The following TMEFF1 variants were observed in gnomAD, a reference collection of about 807,000 sequenced individuals.
TMEFF1 encodes transmembrane protein with EGF like and two follistatin like domains 1, also known as tomoregulin-1.
Under a neutral mutation model 47.5 loss-of-function variants are expected in TMEFF1, and 20 were observed. That is an observed-to-expected ratio of 0.42 (90% CI 0.30 to 0.61). The LOEUF (loss-of-function observed/expected upper bound fraction) is 0.61, where lower values mean the gene tolerates loss of function less well. Among genes scored for constraint, TMEFF1 ranks in the 20% least tolerant of loss-of-function variants. The probability of loss-of-function intolerance (pLI) is 0.19; values close to 1 mark genes in which losing one functional copy is unlikely to be tolerated. For synonymous variants in TMEFF1, 162 were observed against 166.3 expected (o/e 0.97, Z 0.20); for missense variants, 411 against 471.1 (o/e 0.87, Z 1.18).
intron 2 of TMEFF1, among the ~76,000 whole-genome samples, chr9:100,506,442 T>C (rs1377209990): frequency 6.6e-6 from 1 of 152,046 alleles, no homozygotes; most frequent in Non-Finnish European, 1.5e-5. Flanking sequence ...TACAGTTAGC[T>C]TTGTGGAATA....
chr9:100,518,977 T>C (rs932969385), intron 5 of TMEFF1, among the ~76,000 whole-genome samples: 1 of 152,198 alleles, frequency 6.6e-6, no homozygotes, highest in African/African-American at 2.4e-5. Context: ...AACCTATTAT[T>C]TATTAAGATG....
chr9:100,501,744 A>G (rs1004380618), intron 2 of TMEFF1, among the ~76,000 whole-genome samples: 2 of 152,110 alleles, frequency 1.3e-5, no homozygotes, highest in Non-Finnish European at 2.9e-5. Context: ...TCCCGGGTTC[A>G]AATGATTCTC....
At chr9:100,561,299 CAGTG>C (rs1839008540) in intron 7 of TMEFF1, 94 bp from the exon 8 acceptor site, 1 of 1,524,782 alleles carries the variant, frequency 6.6e-7, no homozygotes. Flanking sequence ...AGGTGGTTGA[CAGTG>C]GGTGAATTCA....
intron 4 of TMEFF1, among the ~76,000 whole-genome samples, chr9:100,513,913 A>G (rs531704382): frequency 2.6e-5 from 4 of 152,154 alleles, no homozygotes; most frequent in Non-Finnish European, 5.9e-5. Context: ...ACAATTTCCT[A>G]TCTATGTTTT....
chr9:100,531,731 A>G lies in TMEFF1; in HGVS notation c.560+14960A>G, dbSNP rs367839623. 8.2e-4 allele frequency among the ~76,000 whole-genome samples: 125 copies of G among 152,266 alleles called. 1 individual carries two copies. In the East Asian group the frequency reaches 0.023, roughly 27 times the overall value. On this transcript the variant is annotated intron_variant, in intron 5 of 9. Coordinates refer to ENST00000374879, the MANE Select transcript of TMEFF1 (RefSeq NM_003692.5). ...ATGCCTTTCTTCACAGAATTGGAAA[A>G]AACTACTTTAAAATTCATATGGAAC...
At position 100,554,380 on chromosome 9, in the gene TMEFF1, G is replaced by C. The variant is rs553380850; in HGVS notation, c.775+4220G>C. 3.3e-5 allele frequency among the ~76,000 whole-genome samples: 5 copies of C among 152,254 alleles called. No individual in the cohort carries two copies. The East Asian group carries it at 9.7e-4, about 29-fold the overall frequency. On this transcript the variant is annotated intron_variant, in intron 7 of 9. Transcript: ENST00000374879. ...GAGGATGATTAGCAGGCTCCTAAGA[G>C]AGGAAGGTGCTGGGGAGCTGAGAGT...
intron 2 of TMEFF1, among the ~76,000 whole-genome samples, chr9:100,501,407 G>A (rs1381857773): frequency 6.6e-6 from 1 of 151,932 alleles, no homozygotes; most frequent in African/African-American, 2.4e-5. Context: ...AAAATGTGCT[G>A]TATATTTGTT....
At chr9:100,492,302 T>C (rs1248373124) in intron 1 of TMEFF1, among the ~76,000 whole-genome samples, 1 of 152,262 alleles carries the variant, frequency 6.6e-6, no homozygotes, top group East Asian at 1.9e-4. Context: ...CTGTAGGTTT[T>C]TTTTAAAAAG....
chr9:100,510,193 A>G (rs1225871750), intron 3 of TMEFF1, among the ~76,000 whole-genome samples: 4 of 152,212 alleles, frequency 2.6e-5, no homozygotes, highest in Admixed American at 6.5e-5. Context: ...AGCTGAGATC[A>G]AGAGGTTCCC....
chr9:100,483,714 T>G (rs1837386585), intron 1 of TMEFF1, among the ~76,000 whole-genome samples: 1 of 152,206 alleles, frequency 6.6e-6, no homozygotes, highest in Non-Finnish European at 1.5e-5. Flanking sequence ...GATTCCCCAA[T>G]TAAGATTTTA....
intron 7 of TMEFF1, among the ~76,000 whole-genome samples, chr9:100,552,840 C>T (rs112812479): frequency 6.8e-6 from 1 of 146,772 alleles, no homozygotes; most frequent in African/African-American, 2.6e-5. Context: ...TAAGCCTGGG[C>T]GACAAAGCAA....
intron 5 of TMEFF1, among the ~76,000 whole-genome samples, chr9:100,520,566 G>T (rs1838143715): frequency 6.6e-6 from 1 of 152,054 alleles, no homozygotes; most frequent in African/African-American, 2.4e-5. Context: ...TTTAAATTTA[G>T]CCATTTAAAT....
chr9:100,520,872 A>G (rs2118403505), intron 5 of TMEFF1, among the ~76,000 whole-genome samples: 1 of 152,350 alleles, frequency 6.6e-6, no homozygotes, highest in East Asian at 1.9e-4. Context: ...GTAGAGGCCC[A>G]TGATGTGTGG....
chr9:100,506,099 G>A (rs976834523), intron 2 of TMEFF1, among the ~76,000 whole-genome samples: 2 of 152,172 alleles, frequency 1.3e-5, no homozygotes, highest in Admixed American at 1.3e-4. Context: ...TAACAAAGTC[G>A]ACTAGGTTAT....
intron 7 of TMEFF1, among the ~76,000 whole-genome samples, chr9:100,552,514 G>A (rs1838842890): frequency 6.6e-6 from 1 of 152,152 alleles, no homozygotes; most frequent in Non-Finnish European, 1.5e-5. Flanking sequence ...TGAGGTGCTT[G>A]TGGAACTCAT....
At chr9:100,562,687 GCT>G (rs1240781359) in intron 8 of TMEFF1, among the ~76,000 whole-genome samples, 2 of 151,246 alleles carry the variant, frequency 1.3e-5, no homozygotes, top group Non-Finnish European at 2.9e-5. Context: ...ATAGAGTCTT[GCT>G]CTGTCGCCCA....
intron 1 of TMEFF1, among the ~76,000 whole-genome samples, chr9:100,493,008 G>T (rs1587818827): frequency 6.6e-6 from 1 of 152,292 alleles, no homozygotes; most frequent in East Asian, 1.9e-4. Flanking sequence ...TTGTGTCAGA[G>T]AATTAGATGT....
intron 8 of TMEFF1, among the ~76,000 whole-genome samples, chr9:100,570,159 ATTATT>A (rs1305518020): frequency 2.0e-5 from 3 of 152,038 alleles, no homozygotes; most frequent in Non-Finnish European, 4.4e-5. Flanking sequence ...TATATACCTC[ATTATT>A]TTATCCATTT....
chr9:100,532,801 C>G (rs369808043), intron 5 of TMEFF1, among the ~76,000 whole-genome samples: 1 of 151,942 alleles, frequency 6.6e-6, no homozygotes, highest in Non-Finnish European at 1.5e-5. Context: ...ATGTTTATTG[C>G]GTCATTATTC....
Sources: gnomAD v4.1 joint callset for allele counts (sites outside exome capture counted in the v4.1 genomes callset) on GRCh38, gnomAD v4.1.1 for gene constraint, MANE v1.5 for transcripts, NCBI Gene and HGNC (gene_info 2026-07-23, HGNC 2026-07-21) for gene names.